The following FADS2 variants were observed in gnomAD, a reference collection of about 807,000 sequenced individuals.
FADS2 encodes fatty acid desaturase 2.
In FADS2, 18 loss-of-function variants were observed where a neutral mutation model predicts 61.2. That is an observed-to-expected ratio of 0.29 (90% CI 0.20 to 0.44). The LOEUF (loss-of-function observed/expected upper bound fraction) is 0.44, where lower values mean the gene tolerates loss of function less well. Ranked by LOEUF, FADS2 falls within the 20% of genes least tolerant of loss-of-function variation. The pLI is 1.00. For missense variants in FADS2, 322 were observed against 572.7 expected, an observed-to-expected ratio of 0.56 and a Z score of 4.47; for synonymous variants, 203 against 223.9, an observed-to-expected ratio of 0.91 and a Z score of 0.83.
At position 61,867,187 on chromosome 11, in the gene FADS2, CT is replaced by C. The variant is rs917423791; in HGVS notation, c.*1499del. On this transcript the variant is annotated 3_prime_UTR_variant, in exon 12 of 12. Coordinates refer to ENST00000278840, the MANE Select transcript of FADS2 (RefSeq NM_004265.4). ...CCAGCTCTAAGCAGCCAGGAGGGAC[CT>C]GCATCTAAGCATCTGGGTTGCCATG... 13 of 152,386 alleles carry C rather than the reference CT, an allele frequency of 8.5e-5. No homozygotes were observed. Among genetic ancestry groups the C allele is most frequent in the Admixed American group, 6.5e-4 (10 of 15,306 alleles). The allele number at this position is 152,386 out of a possible 1,614,324, so 9.4% of individuals were successfully genotyped here. A position where few individuals can be genotyped will look rare whatever the true frequency, so the allele number is the denominator to read the frequency against.
Position 61,837,880 on chromosome 11 carries a change from G to C in FADS2, c.310G>C (p.Gly104Arg), listed in dbSNP as rs140889931. The C allele has an allele frequency of 2.5e-6, 4 of 1,612,332 alleles. No homozygotes were observed. The highest frequency in any genetic ancestry group is 2.2e-5 in the East Asian group (1 of 44,836). The change falls in exon 2 of 12, where the codon GGC (glycine) becomes CGC (arginine). Residue 104 changes from glycine (G) to arginine (R), a missense_variant. Around this residue, in one of 3 missense-constraint regions of FADS2, gnomAD observed 40 missense variants for 37.3 expected, o/e 1.07. Transcript: ENST00000278840. The stretch of plus-strand genomic sequence containing the variant: ...CCCGGAGGAGCCCAGCCAGGACCAC[G>C]GCAAGAACGTAAGTCTGGCTTGCAA... ...LAPEEPSQDH[G>R]KNSKITEDFR...
intron 5 of FADS2, among the ~76,000 whole-genome samples, chr11:61,851,700 G>A (rs916429935): frequency 1.3e-5 from 2 of 152,260 alleles, no homozygotes; most frequent in Non-Finnish European, 2.9e-5. Flanking sequence ...CCAGTCTCCA[G>A]AGCAAGGATG....
upstream of FADS2, chr11:61,826,619 C>G: frequency 1.8e-6 from 1 of 568,356 alleles, no homozygotes; most frequent in Middle Eastern, 4.7e-4. Context: ...TTATTTTGTA[C>G]AGAAGGCTTT....
intron 2 of FADS2, among the ~76,000 whole-genome samples, chr11:61,840,083 G>A (rs2135961450): frequency 6.6e-6 from 1 of 152,326 alleles, no homozygotes; most frequent in East Asian, 1.9e-4. Flanking sequence ...TAAAATGCAA[G>A]CTTTTGAGTC....
At chr11:61,849,594 A>C (rs1053875724) in intron 5 of FADS2, among the ~76,000 whole-genome samples, 1 of 151,824 alleles carries the variant, frequency 6.6e-6, no homozygotes, top group Non-Finnish European at 1.5e-5. Context: ...GTCTCAAAAA[A>C]GAAAAAAAAA....
chr11:61,826,151 T>C (rs1403184209), upstream of FADS2: 1 of 702,636 alleles, frequency 1.4e-6, no homozygotes, highest in Non-Finnish European at 2.6e-6. Flanking sequence ...AAGTCCTCCC[T>C]TCCTACCCCT....
intron 1 of FADS2, among the ~76,000 whole-genome samples, chr11:61,821,116 C>A (rs2067033570): frequency 6.6e-6 from 1 of 152,214 alleles, no homozygotes; most frequent in Non-Finnish European, 1.5e-5. Context: ...CCTAAGGGAA[C>A]TTGCCTCATC....
At chr11:61,835,446 T>C (rs1364279835) in intron 1 of FADS2, among the ~76,000 whole-genome samples, 1 of 150,274 alleles carries the variant, frequency 6.7e-6, no homozygotes, top group African/African-American at 2.4e-5. Flanking sequence ...CAGGCTGGAA[T>C]GCAGTGGCAC....
intron 1 of FADS2, 101 bp from the exon 2 acceptor site, chr11:61,837,677 G>A: frequency 1.3e-6 from 1 of 772,678 alleles, no homozygotes; most frequent in South Asian, 1.5e-5. Flanking sequence ...TTGGTGTCTG[G>A]GTGCACACAT....
At chr11:61,846,126 CTTTT>C (rs1257733455) in intron 4 of FADS2, among the ~76,000 whole-genome samples, 1 of 143,014 alleles carries the variant, frequency 7.0e-6, no homozygotes, top group Non-Finnish European at 1.5e-5. Context: ...TTCTTTCTTT[CTTTT>C]CTTTTTTTTT....
chr11:61,853,428 G>C (rs1411881284), intron 5 of FADS2, among the ~76,000 whole-genome samples: 1 of 151,766 alleles, frequency 6.6e-6, no homozygotes, highest in Non-Finnish European at 1.5e-5. Flanking sequence ...GCATTGACGG[G>C]AAATTTCAGA....
At chr11:61,827,183 C>T (rs2067092411), upstream of FADS2, among the ~76,000 whole-genome samples, 1 of 152,216 alleles carries the variant, frequency 6.6e-6, no homozygotes, top group Non-Finnish European at 1.5e-5. This position sits in a 1 kb window ranked among gnomAD's most constrained non-coding sequence, Gnocchi z 4.5. Flanking sequence ...TCTGAGGGGC[C>T]TGTCTCTTGC....
At chr11:61,845,222 A>G (rs2067247604) in intron 4 of FADS2, among the ~76,000 whole-genome samples, 1 of 151,818 alleles carries the variant, frequency 6.6e-6, no homozygotes, top group African/African-American at 2.4e-5. Context: ...CTGCCTGGCC[A>G]ACTTCTCCAG....
intron 5 of FADS2, chr11:61,854,609 TC>T (rs1246354322): frequency 6.6e-6 from 1 of 152,104 alleles, no homozygotes; most frequent in Non-Finnish European, 1.5e-5. Context: ...AAAATACCTC[TC>T]CCTCCCTTCC....
chr11:61,862,841 C>T (rs2067429672), intron 7 of FADS2, 131 bp from the exon 8 acceptor site: 1 of 719,102 alleles, frequency 1.4e-6, no homozygotes. Flanking sequence ...TGTAGTTGCC[C>T]ATTGCATTTC....
intron 5 of FADS2, among the ~76,000 whole-genome samples, chr11:61,853,526 C>A (rs1353617131): frequency 6.6e-6 from 1 of 151,994 alleles, no homozygotes; most frequent in Non-Finnish European, 1.5e-5. Context: ...CTGGTGAGAC[C>A]ATTATCCCGG....
intron 5 of FADS2, among the ~76,000 whole-genome samples, chr11:61,850,468 C>T (rs2067296645): frequency 6.6e-6 from 1 of 152,156 alleles, no homozygotes; most frequent in South Asian, 2.1e-4. Context: ...CCAGGCTGGT[C>T]TTGAACTCCT....
chr11:61,857,096 A>G, intron 6 of FADS2, 25 bp downstream of exon 6: 1 of 1,602,038 alleles, frequency 6.2e-7, no homozygotes, highest in Admixed American at 1.7e-5. Context: ...CCCCGAAATC[A>G]CTCTGGGACC....
intron 2 of FADS2, among the ~76,000 whole-genome samples, chr11:61,838,199 T>C (rs2067190600): frequency 6.6e-6 from 1 of 152,180 alleles, no homozygotes; most frequent in African/African-American, 2.4e-5. Context: ...CCGAAAAATG[T>C]CATTTGATGA....
Sources: allele counts gnomAD v4.1 joint callset (sites outside exome capture counted in the v4.1 genomes callset), GRCh38; gene constraint gnomAD v4.1.1; regional missense constraint gnomAD v4.1.1; non-coding constraint Gnocchi (gnomAD v3.1); transcripts MANE v1.5; gene names NCBI Gene and HGNC (gene_info 2026-07-23, HGNC 2026-07-21).